The following RBFOX1 variants were observed in gnomAD, a reference collection of about 807,000 sequenced individuals.
RBFOX1 encodes the protein RNA binding fox-1 homolog 1.
Under a neutral mutation model 57.7 loss-of-function variants are expected in RBFOX1, and 8 were observed. The ratio of observed to expected loss-of-function variants is 0.14; its 90% CI spans 0.08 to 0.25. The LOEUF is 0.25. RBFOX1 is among the 10% of genes least tolerant of loss of function. The pLI is 1.00. For missense variants in RBFOX1, 611 were observed against 548.5 expected (o/e 1.11, Z -1.14); for synonymous variants, 326 against 222.4 (o/e 1.47, Z -4.15).
chr16:7,310,358 C>G (rs1446078383), intron 4 of RBFOX1, among the ~76,000 whole-genome samples: 1 of 152,176 alleles, frequency 6.6e-6, no homozygotes, highest in Admixed American at 6.5e-5. Flanking sequence ...ATCTTCCTGT[C>G]ATGCTATAGC....
In RBFOX1 at chr16:5,611,789, T is replaced by TCCACCCAC. The variant is rs1433857998; in HGVS notation, c.318+12831_318+12832insCCCACCCA. Among the ~76,000 whole-genome samples the TCCACCCAC allele has an allele frequency of 7.6e-4, 81 of 106,468 alleles. 3 individuals carry two copies. In the East Asian group the frequency reaches 7.7e-3, roughly 10 times the overall value. 69.8% of individuals were successfully genotyped at this position (106,468 alleles called of 152,430 possible). A position where few individuals can be genotyped will look rare whatever the true frequency, so the allele number is the denominator to read the frequency against. Reference sequence around the variant, plus strand: ...AGTCTCCCATCCATCCATCCATCCATCCATCCACCCACCCACCCACCCACC... The same window carrying TCCACCCAC: ...AGTCTCCCATCCATCCATCCATCCATCCACCCACCCATCCACCCACCCACCCACCCACC... On this transcript the variant is annotated intron_variant, in intron 3 of 19. Transcript: ENST00000641259.
chr16:6,979,132 A>G (rs1244483468), intron 3 of RBFOX1, among the ~76,000 whole-genome samples: 1 of 152,228 alleles, frequency 6.6e-6, no homozygotes, highest in Non-Finnish European at 1.5e-5. Flanking sequence ...TGTACCAAAA[A>G]TCAGACCTGA....
At chr16:6,740,243 G>A (rs995577772) in intron 3 of RBFOX1, among the ~76,000 whole-genome samples, 1 of 152,054 alleles carries the variant, frequency 6.6e-6, no homozygotes, top group African/African-American at 2.4e-5. Context: ...AAAAAAATAA[G>A]AATCGATAAC....
intron 3 of RBFOX1, among the ~76,000 whole-genome samples, chr16:5,854,369 T>G (rs746901632): frequency 2.1e-4 from 32 of 152,206 alleles, no homozygotes; most frequent in Non-Finnish European, 3.7e-4. Flanking sequence ...CAACCATCAT[T>G]CTAGTCTCCG....
chr16:7,393,569 T>C (rs1259099077), intron 4 of RBFOX1, among the ~76,000 whole-genome samples: 2 of 152,088 alleles, frequency 1.3e-5, no homozygotes, highest in Admixed American at 6.5e-5. Flanking sequence ...TGGACAATGC[T>C]ATAGGGGGTG....
intron 3 of RBFOX1, among the ~76,000 whole-genome samples, chr16:6,881,084 C>G (rs1407696078): frequency 6.6e-6 from 1 of 152,160 alleles, no homozygotes; most frequent in African/African-American, 2.4e-5. Context: ...GCACTTTTAC[C>G]CACTGAGTCT....
chr16:6,330,632 G>A (rs371706630), intron 2 of RBFOX1, among the ~76,000 whole-genome samples: 41 of 152,308 alleles, frequency 2.7e-4, no homozygotes, highest in Middle Eastern at 3.4e-3. Context: ...TGTGCTAGCC[G>A]CGAGAGACAC....
At chr16:6,839,812 C>T (rs576616282) in intron 3 of RBFOX1, among the ~76,000 whole-genome samples, 7 of 152,312 alleles carry the variant, frequency 4.6e-5, no homozygotes, top group African/African-American at 1.7e-4. Context: ...AATCATAGCA[C>T]TTCGTGTACT....
chr16:6,857,092 T>C (rs115202298), intron 3 of RBFOX1, among the ~76,000 whole-genome samples: 3,314 of 152,246 alleles, frequency 0.022, 131 homozygotes, highest in African/African-American at 0.075. Context: ...TGTTGTGAAG[T>C]GATTGCTTCA....
At chr16:7,066,463 A>G (rs990571602) in intron 4 of RBFOX1, among the ~76,000 whole-genome samples, 2 of 152,204 alleles carry the variant, frequency 1.3e-5, no homozygotes, top group Middle Eastern at 3.2e-3. Context: ...TGTAGGATCC[A>G]ACTATGACAG....
rs540925175 is a variant in RBFOX1 at position 7,048,604 on chromosome 16, A to G, written c.-15-3453A>G. Among the ~76,000 whole-genome samples, 86 of 152,044 alleles carry G rather than the reference A, an allele frequency of 5.7e-4. 1 individual carries two copies. Among genetic ancestry groups the G allele is most frequent in the African/African-American group, 1.6e-3 (65 of 41,472 alleles). On this transcript the variant is annotated intron_variant, in intron 3 of 15. Coordinates refer to ENST00000550418, the MANE Select transcript of RBFOX1 (RefSeq NM_018723.4). Reference sequence around the variant, plus strand: ...TTTTGTTTCTTTGCTAATGCTGTCAATTTTTTTCTCAGTTATTTTCAGTGT... The same window carrying G: ...TTTTGTTTCTTTGCTAATGCTGTCAGTTTTTTTCTCAGTTATTTTCAGTGT...
At chr16:7,093,412 C>A (rs190965096) in intron 4 of RBFOX1, among the ~76,000 whole-genome samples, 3 of 152,304 alleles carry the variant, frequency 2.0e-5, no homozygotes, top group African/African-American at 7.2e-5. Context: ...ATACCCAGCC[C>A]ACTTCTTCTT....
intron 2 of RBFOX1, among the ~76,000 whole-genome samples, chr16:6,511,771 A>G (rs1483599627): frequency 6.6e-6 from 1 of 152,224 alleles, no homozygotes; most frequent in African/African-American, 2.4e-5. Flanking sequence ...ATTGTCCAGA[A>G]GAGATTATTC....
intron 4 of RBFOX1, among the ~76,000 whole-genome samples, chr16:5,868,384 C>G (rs762865118): frequency 9.2e-5 from 14 of 152,328 alleles, no homozygotes; most frequent in Non-Finnish European, 1.8e-4. Flanking sequence ...ATTGCAACCT[C>G]AGGCATAAAT....
intron 2 of RBFOX1, among the ~76,000 whole-genome samples, chr16:5,519,075 C>T (rs1018790610): frequency 6.6e-6 from 1 of 152,116 alleles, no homozygotes; most frequent in Non-Finnish European, 1.5e-5. Flanking sequence ...CATCTTCAGG[C>T]CAAGGAGAGA....
chr16:5,545,365 G>A (rs2045150709), intron 2 of RBFOX1, among the ~76,000 whole-genome samples: 1 of 152,108 alleles, frequency 6.6e-6, no homozygotes, highest in African/African-American at 2.4e-5. Context: ...TATTTTAGGA[G>A]ACAGGTATTG....
chr16:6,205,505 A>G (rs766502865), intron 1 of RBFOX1, among the ~76,000 whole-genome samples: 1 of 152,194 alleles, frequency 6.6e-6, no homozygotes, highest in Non-Finnish European at 1.5e-5. Context: ...ATGTATGCAC[A>G]TTTACAAAAC....
chr16:5,938,089 C>T (rs1029919277), intron 4 of RBFOX1, among the ~76,000 whole-genome samples: 19 of 152,126 alleles, frequency 1.2e-4, no homozygotes, highest in African/African-American at 4.1e-4. Flanking sequence ...AAAGCTGAAA[C>T]ACCTCTGTAC....
At chr16:6,267,417 C>G (rs1235108398) in intron 1 of RBFOX1, among the ~76,000 whole-genome samples, 1 of 152,268 alleles carries the variant, frequency 6.6e-6, no homozygotes, top group South Asian at 2.1e-4. Context: ...CCTTATAGGA[C>G]TTGAGGGGTG....
Sources: allele counts gnomAD v4.1 joint callset (sites outside exome capture counted in the v4.1 genomes callset), GRCh38; gene constraint gnomAD v4.1.1; transcripts MANE v1.5; gene names NCBI Gene and HGNC (gene_info 2026-07-23, HGNC 2026-07-21).